The following GM2A variants were observed in gnomAD, a reference collection of about 807,000 sequenced individuals.
GM2A encodes the protein ganglioside GM2 activator.
In GM2A, 7 loss-of-function variants were observed where a neutral mutation model predicts 12.9. The observed-to-expected ratio is 0.54, with a 90% CI of 0.31 to 1.02. The LOEUF is 1.02. Among genes scored for constraint, GM2A ranks in the 50% least tolerant of loss-of-function variants. GM2A has a pLI of 0.05. For synonymous variants in GM2A, 101 were observed against 96.0 expected, an observed-to-expected ratio of 1.05 and a Z score of -0.30; for missense variants, 246 against 241.0, an observed-to-expected ratio of 1.02 and a Z score of -0.14.
At position 151,269,004 on chromosome 5, in the gene GM2A, C is replaced by A. The variant is rs1753955116; in HGVS notation, c.*1553C>A. ...TCTCACCTGTGAGCTGTGGGGATCA[C>A]AAGGCTGCCTGCCTCAGTCTTGGAG... On this transcript the variant is annotated 3_prime_UTR_variant, in exon 4 of 4. Coordinates refer to ENST00000357164, the MANE Select transcript of GM2A (RefSeq NM_000405.5). 1 of 985,340 alleles carries A rather than the reference C, an allele frequency of 1.0e-6. No homozygotes were observed. 61.0% of individuals were successfully genotyped at this position (985,340 alleles called of 1,614,324 possible). A position where few individuals can be genotyped will look rare whatever the true frequency, so the allele number is the denominator to read the frequency against.
At position 151,269,032 on chromosome 5, in the gene GM2A, C is replaced by T. The variant is rs534887805; in HGVS notation, c.*1581C>T. The T allele has an allele frequency of 2.6e-5, 26 of 985,468 alleles. No individual in the cohort carries two copies. In the South Asian group the frequency reaches 4.2e-4, roughly 16 times the overall value. 61.0% of individuals were successfully genotyped at this position (985,468 alleles called of 1,614,324 possible). A position where few individuals can be genotyped will look rare whatever the true frequency, so the allele number is the denominator to read the frequency against. On this transcript the variant is annotated 3_prime_UTR_variant, in exon 4 of 4. Coordinates refer to ENST00000357164, the MANE Select transcript of GM2A (RefSeq NM_000405.5). ...GGCTGCCTGCCTCAGTCTTGGAGTC[C>T]TGTTGGGTGAATGAGGCAGATGGGA...
intron 1 of GM2A, among the ~76,000 whole-genome samples, chr5:151,258,276 G>A (rs575826994): frequency 4.6e-5 from 7 of 152,204 alleles, no homozygotes; most frequent in Non-Finnish European, 8.8e-5. Flanking sequence ...GCCGGCTCCC[G>A]TGTTGTGCCT....
intron 1 of GM2A, among the ~76,000 whole-genome samples, chr5:151,255,082 G>A (rs939632305): frequency 1.3e-5 from 2 of 152,148 alleles, no homozygotes; most frequent in African/African-American, 4.8e-5. Context: ...TGGACAGATT[G>A]CTTGAGCTCA....
At chr5:151,266,017 G>A (rs1235559415) in intron 2 of GM2A, among the ~76,000 whole-genome samples, 1 of 152,174 alleles carries the variant, frequency 6.6e-6, no homozygotes, top group Non-Finnish European at 1.5e-5. Context: ...TCATCAGTTG[G>A]TAGTAACTAC....
rs1195139051 is a variant in GM2A at position 151,259,914 on chromosome 5, A to C, written c.241A>C (p.Lys81Gln). 1 of 1,612,742 alleles carries C rather than the reference A, an allele frequency of 6.2e-7. No individual in the cohort carries two copies. Among genetic ancestry groups the C allele is most frequent in the Non-Finnish European group, 8.5e-7 (1 of 1,179,046 alleles). The change falls in exon 2 of 4, where the codon AAG (lysine) becomes CAG (glutamine). Residue 81 changes from lysine (K) to glutamine (Q), a missense_variant and splice_region_variant. Physicochemically the swap from Lys to Gln is moderately conservative, Grantham distance 53. Coordinates refer to ENST00000357164, the MANE Select transcript of GM2A (RefSeq NM_000405.5). ...STSVPLSSPL[K>Q]VDLVLEKEVA... ...CAGTGTCCCCCTGAGTTCTCCTCTG[A>C]AGGTGAGCCTGGGGGTGGGTGGAGA...
In GM2A at chr5:151,268,943, A is replaced by G. The variant is rs1424047727; in HGVS notation, c.*1492A>G. 4 of 985,450 alleles carry G rather than the reference A, an allele frequency of 4.1e-6. No homozygotes were observed. The highest frequency in any genetic ancestry group is 4.8e-6 in the Non-Finnish European group (4 of 829,950). 61.0% of individuals were successfully genotyped at this position (985,450 alleles called of 1,614,324 possible). ...AGCCATAGTGTCCGGTCCCAAGGAC[A>G]AGGCTCTTCCAGTGCTAGGAGAGGT... On this transcript the variant is annotated 3_prime_UTR_variant, in exon 4 of 4. Transcript: ENST00000357164.
chr5:151,260,865 G>A (rs1753784498), intron 2 of GM2A, among the ~76,000 whole-genome samples: 1 of 152,072 alleles, frequency 6.6e-6, no homozygotes, highest in African/African-American at 2.4e-5. Context: ...GAATTTTTAT[G>A]TGTTTGTAAA....
In GM2A at chr5:151,257,677, C is replaced by A. The variant is rs116789293; in HGVS notation, c.82-2078C>A. On this transcript the variant is annotated intron_variant, in intron 1 of 3. Transcript: ENST00000357164. Reference sequence around the variant, plus strand: ...CTTGTGGGGTCCTGCATTAAATGACCCTGCTACCCCTCCAACCTCATCTGG... The same window carrying A: ...CTTGTGGGGTCCTGCATTAAATGACACTGCTACCCCTCCAACCTCATCTGG... Among the ~76,000 whole-genome samples the A allele has an allele frequency of 2.9e-3, 449 of 152,312 alleles. 7 individuals carry two copies. Among genetic ancestry groups the A allele is most frequent in the Admixed American group, 5.2e-3 (79 of 15,304 alleles).
Position 151,268,461 on chromosome 5 carries a change from T to G in GM2A, c.*1010T>G. The G allele has an allele frequency of 1.0e-6, 1 of 985,310 alleles. No individual in the cohort carries two copies. Among genetic ancestry groups the G allele is most frequent in the Non-Finnish European group, 1.2e-6 (1 of 829,838 alleles). The allele number at this position is 985,310 out of a possible 1,614,324, so 61.0% of individuals were successfully genotyped here. Reference sequence around the variant, plus strand: ...GCCACTACACCCAGCCGATTTTTCCTTTTTGATTAAAGATGCTATTACAAT... The same window carrying G: ...GCCACTACACCCAGCCGATTTTTCCGTTTTGATTAAAGATGCTATTACAAT... On this transcript the variant is annotated 3_prime_UTR_variant, in exon 4 of 4. Coordinates refer to ENST00000357164, the MANE Select transcript of GM2A (RefSeq NM_000405.5).
At chr5:151,264,822 A>G (rs879311099) in intron 2 of GM2A, among the ~76,000 whole-genome samples, 10 of 152,184 alleles carry the variant, frequency 6.6e-5, no homozygotes, top group Non-Finnish European at 1.5e-4. Flanking sequence ...TCTACTAAAA[A>G]TACAAAAACA....
At chr5:151,256,747 A>C (rs1753696918) in intron 1 of GM2A, among the ~76,000 whole-genome samples, 1 of 152,124 alleles carries the variant, frequency 6.6e-6, no homozygotes, top group Admixed American at 6.6e-5. Flanking sequence ...TGTTAACTGA[A>C]TTCTAGACTT....
chr5:151,254,317 C>G (rs1753643388), intron 1 of GM2A, among the ~76,000 whole-genome samples: 1 of 152,136 alleles, frequency 6.6e-6, no homozygotes, highest in African/African-American at 2.4e-5. Context: ...TTTATTATCT[C>G]ATTTATATGC....
chr5:151,267,349 C>T lies in GM2A; in HGVS notation c.480C>T (p.Pro160=), dbSNP rs1342992965. 1 of 1,613,972 alleles carries T rather than the reference C, an allele frequency of 6.2e-7. No homozygotes were observed. Among genetic ancestry groups the T allele is most frequent in the African/African-American group, 1.3e-5 (1 of 74,874 alleles). Residue 160 remains proline (P), a synonymous_variant, in exon 4 of 4, where the codon CCC becomes CCT. Transcript: ENST00000357164. ...TCGTTGTGCCTGACCTGGAGCTGCC[C>T]AGTTGGCTCACCACCGGGAACTACC... is the stretch of plus-strand genomic sequence containing the variant. ...SEFVVPDLEL[P]SWLTTGNYRI...
intron 2 of GM2A, among the ~76,000 whole-genome samples, chr5:151,261,172 A>T (rs153481): frequency 0.54 from 81,994 of 151,932 alleles, 22,363 homozygotes; most frequent in South Asian, 0.64. Context: ...CCACAGGTTC[A>T]TGTCACCATG....
At chr5:151,260,255 A>G (rs1006178057) in intron 2 of GM2A, among the ~76,000 whole-genome samples, 5 of 152,142 alleles carry the variant, frequency 3.3e-5, no homozygotes, top group Non-Finnish European at 7.3e-5. Flanking sequence ...TTTTGTTGTT[A>G]ATTATAAAAT....
intron 1 of GM2A, among the ~76,000 whole-genome samples, chr5:151,256,500 G>A (rs1211086336): frequency 6.6e-6 from 1 of 151,868 alleles, no homozygotes; most frequent in East Asian, 1.9e-4. Context: ...AGCTACTTGG[G>A]AGGCTGAGGC....
chr5:151,258,526 T>C (rs1753734538), intron 1 of GM2A, among the ~76,000 whole-genome samples: 2 of 152,308 alleles, frequency 1.3e-5, no homozygotes, highest in Admixed American at 6.5e-5. Flanking sequence ...ATACTGCTTT[T>C]ATAGATAGGG....
At position 151,259,782 on chromosome 5, in the gene GM2A, G is replaced by T; in HGVS notation, c.109G>T (p.Asp37Tyr). The T allele has an allele frequency of 6.2e-7, 1 of 1,613,974 alleles. No individual in the cohort carries two copies. Among genetic ancestry groups the T allele is most frequent in the Non-Finnish European group, 8.5e-7 (1 of 1,179,894 alleles). The change falls in exon 2 of 4, where the codon GAT (aspartate) becomes TAT (tyrosine). Residue 37 changes from aspartate (D) to tyrosine (Y), a missense_variant. By Grantham distance (160) the Asp-to-Tyr change is radical. Transcript: ENST00000357164. ...ATCCCAGCTCAGTAGCTTTTCCTGG[G>T]ATAACTGTGATGAAGGGAAGGACCC... is the stretch of plus-strand genomic sequence containing the variant. The part of the protein sequence containing the change: ...KPSQLSSFSW[D>Y]NCDEGKDPAV...
rs534887640 is a variant in GM2A at position 151,261,500 on chromosome 5, G to A, written c.243+1584G>A. Among the ~76,000 whole-genome samples the A allele has an allele frequency of 2.0e-5, 3 of 152,282 alleles. No homozygotes were observed. In the South Asian group the frequency reaches 6.2e-4, roughly 32 times the overall value. ...GTTGCCTAGGCTGGAGTGCAGTAGCGCAATCTCAGCTCCCTGCAACCTCCA... is the reference window on the plus strand; with the variant it reads ...GTTGCCTAGGCTGGAGTGCAGTAGCACAATCTCAGCTCCCTGCAACCTCCA... On this transcript the variant is annotated intron_variant, in intron 2 of 3. Coordinates refer to ENST00000357164, the MANE Select transcript of GM2A (RefSeq NM_000405.5).
Sources: gnomAD v4.1 joint callset for allele counts (sites outside exome capture counted in the v4.1 genomes callset) on GRCh38, gnomAD v4.1.1 for gene constraint, MANE v1.5 for transcripts, NCBI Gene and HGNC (gene_info 2026-07-23, HGNC 2026-07-21) for gene names.